Variants in DICER1 observed in about 807,000 individuals in gnomAD.
DICER1 encodes the protein endoribonuclease Dicer.
In DICER1, 43 loss-of-function variants were observed where a neutral mutation model predicts 194.1. The observed-to-expected ratio is 0.22, with a 90% CI of 0.17 to 0.29. DICER1 has a LOEUF of 0.29. DICER1 is among the 10% of genes least tolerant of loss of function. DICER1 has a pLI of 1.00. For missense variants in DICER1, 1,608 were observed against 2,317.0 expected, an observed-to-expected ratio of 0.69 and a Z score of 6.28; for synonymous variants, 832 against 820.5, an observed-to-expected ratio of 1.01 and a Z score of -0.24.
chr14:95,132,477 T>C, intron 3 of DICER1, 38 bp downstream of exon 3: 4 of 1,605,856 alleles, frequency 2.5e-6, no homozygotes, highest in Non-Finnish European at 3.4e-6. Flanking sequence ...TCCCATCCAA[T>C]TTCCCCTGCA....
chr14:95,131,449 T>C, intron 4 of DICER1, 60 bp downstream of exon 4: 1 of 1,542,912 alleles, frequency 6.5e-7, no homozygotes, highest in Non-Finnish European at 9.0e-7. Flanking sequence ...CAGATCATCT[T>C]ACAAACCAAG....
intron 17 of DICER1, 69 bp from the exon 18 acceptor site, chr14:95,106,292 T>C: frequency 8.5e-7 from 1 of 1,174,500 alleles, no homozygotes; most frequent in South Asian, 1.3e-5. Context: ...AAAATACAAC[T>C]GTTTGTAGTA....
chr14:95,097,201 GAATAT>G (rs1351539901), intron 22 of DICER1, among the ~76,000 whole-genome samples: 7 of 152,092 alleles, frequency 4.6e-5, no homozygotes, highest in African/African-American at 7.2e-5. Flanking sequence ...TTGCAATTAA[GAATAT>G]AATATAAAAA....
At chr14:95,093,852 A>G (rs987269514) in intron 24 of DICER1, 36 bp downstream of exon 24, 3 of 1,612,040 alleles carry the variant, frequency 1.9e-6, no homozygotes, top group Non-Finnish European at 2.5e-6. Context: ...TCCTAGTTAG[A>G]CCACTTTTTT....
chr14:95,106,432 T>C (rs1159235094), intron 17 of DICER1, among the ~76,000 whole-genome samples: 2 of 142,664 alleles, frequency 1.4e-5, no homozygotes, highest in East Asian at 3.8e-4. Flanking sequence ...TGTCCCATTT[T>C]ATTATTATTC....
intron 22 of DICER1, among the ~76,000 whole-genome samples, chr14:95,099,145 A>T (rs1290247643): frequency 1.3e-5 from 2 of 152,184 alleles, no homozygotes. Flanking sequence ...GTCAACCACC[A>T]CTGCGCTGGT....
chr14:95,136,562 G>A (rs922683362), intron 1 of DICER1: 4 of 152,062 alleles, frequency 2.6e-5, no homozygotes, highest in Admixed American at 1.3e-4. Context: ...CTAGGCTCTA[G>A]TTTCTTATTT....
intron 16 of DICER1, 29 bp from the exon 17 acceptor site, chr14:95,107,790 TG>T (rs1427954543): frequency 6.2e-7 from 1 of 1,612,720 alleles, no homozygotes; most frequent in South Asian, 1.1e-5. Context: ...CTCTTTAGCT[TG>T]TTAAAACATG....
rs553235768 is a variant in DICER1 at position 95,146,415 on chromosome 14, C to A, written c.-46+10815G>T. Among the ~76,000 whole-genome samples the A allele has an allele frequency of 2.6e-5, 4 of 152,288 alleles. No individual in the cohort carries two copies. The South Asian group carries it at 8.3e-4, about 32-fold the overall frequency. On this transcript the variant is annotated intron_variant, in intron 1 of 26. Transcript: ENST00000343455. ...TTGCATACTCACAAACCAATCAGCA[C>A]ACACTCCCCTATTCTGAGCCTGTAA... is the stretch of plus-strand genomic sequence containing the variant.
At chr14:95,144,165 T>C (rs928857986) in intron 1 of DICER1, among the ~76,000 whole-genome samples, 1 of 152,164 alleles carries the variant, frequency 6.6e-6, no homozygotes, top group Admixed American at 6.5e-5. Flanking sequence ...TATATACATA[T>C]AAACATGTAT....
intron 8 of DICER1, among the ~76,000 whole-genome samples, chr14:95,121,067 G>A (rs1475018732): frequency 6.6e-6 from 1 of 152,128 alleles, no homozygotes; most frequent in African/African-American, 2.4e-5. Context: ...TAGAAGAGCA[G>A]GTCACCTCCA....
intron 3 of DICER1, 121 bp from the exon 4 acceptor site, chr14:95,131,760 G>C (rs1893972016): frequency 1.0e-5 from 10 of 956,786 alleles, no homozygotes; most frequent in South Asian, 9.3e-5. Context: ...AACCAACAAT[G>C]TTTTTGATAG....
chr14:95,134,568 G>A (rs1894213535), intron 1 of DICER1: 1 of 152,228 alleles, frequency 6.6e-6, no homozygotes, highest in African/African-American at 2.4e-5. Context: ...GACATGTTAA[G>A]TACAACACAT....
At chr14:95,127,292 T>C (rs995905913) in intron 6 of DICER1, among the ~76,000 whole-genome samples, 9 of 152,234 alleles carry the variant, frequency 5.9e-5, no homozygotes, top group Non-Finnish European at 1.3e-4. Context: ...AGAAGCTTCC[T>C]AGTTTCAGTT....
At chr14:95,155,931 T>TA (rs547893750) in intron 1 of DICER1, among the ~76,000 whole-genome samples, 30 of 152,340 alleles carry the variant, frequency 2.0e-4, no homozygotes, top group East Asian at 1.5e-3. Flanking sequence ...GTGCCACAGG[T>TA]AGCTTTAAAG....
intron 21 of DICER1, 146 bp from the exon 22 acceptor site, chr14:95,100,081 T>C: frequency 2.4e-6 from 2 of 838,354 alleles, no homozygotes; most frequent in Non-Finnish European, 3.6e-6. Flanking sequence ...CTCTACAGTT[T>C]TTCTACCCAT....
chr14:95,105,904 C>A lies in DICER1; in HGVS notation c.2988-121G>T, dbSNP rs1891378202. ...ACAGCCTCTTGGGCTACCCCTTGGG[C>A]AAGTTTGTGTGCAAAGCATCTCCTG... On this transcript the variant is annotated intron_variant, in intron 18 of 26. Coordinates refer to ENST00000343455, the MANE Select transcript of DICER1 (RefSeq NM_177438.3). This position sits in a 1 kb window ranked among gnomAD's most constrained non-coding sequence, Gnocchi z 4.9. 5.7e-6 allele frequency: 8 copies of A among 1,410,162 alleles called. No homozygotes were observed. Among genetic ancestry groups the A allele is most frequent in the Non-Finnish European group, 7.0e-6 (7 of 995,602 alleles). 87.4% of individuals were successfully genotyped at this position (1,410,162 alleles called of 1,614,324 possible).
intron 1 of DICER1, among the ~76,000 whole-genome samples, chr14:95,142,799 T>A (rs1208099701): frequency 6.6e-6 from 1 of 152,180 alleles, no homozygotes. Context: ...CAAGTTTTAG[T>A]ACAAACTAGC....
chr14:95,133,688 G>C (rs1894151133), intron 1 of DICER1, among the ~76,000 whole-genome samples, 185 bp from the exon 2 acceptor site: 1 of 152,168 alleles, frequency 6.6e-6, no homozygotes, highest in African/African-American at 2.4e-5. Context: ...ACCTTACCCA[G>C]TGATTCTATG....
Sources: gnomAD v4.1 joint callset for allele counts (sites outside exome capture counted in the v4.1 genomes callset) on GRCh38, gnomAD v4.1.1 for gene constraint, Gnocchi (gnomAD v3.1) non-coding constraint, MANE v1.5 for transcripts, NCBI Gene and HGNC (gene_info 2026-07-23, HGNC 2026-07-21) for gene names.